The following PRKCE variants were observed in gnomAD, a reference collection of about 807,000 sequenced individuals.
PRKCE encodes protein kinase C epsilon.
Under a neutral mutation model 85.4 loss-of-function variants are expected in PRKCE, and 16 were observed. That is an observed-to-expected ratio of 0.19 (90% CI 0.13 to 0.28). The LOEUF is 0.28. Ranked by LOEUF, PRKCE falls within the 10% of genes least tolerant of loss-of-function variation. The pLI is 1.00. For missense variants in PRKCE, 573 were observed against 975.2 expected, an observed-to-expected ratio of 0.59 and a Z score of 5.49; for synonymous variants, 388 against 371.5, an observed-to-expected ratio of 1.04 and a Z score of -0.51.
intron 10 of PRKCE, among the ~76,000 whole-genome samples, chr2:46,026,679 T>C (rs1401976078): frequency 2.0e-5 from 3 of 152,192 alleles, no homozygotes; most frequent in African/African-American, 7.2e-5. Flanking sequence ...AGGGATGTTT[T>C]TGAAGGGGAT....
chr2:46,112,500 TTTG>T (rs144426936), intron 11 of PRKCE, among the ~76,000 whole-genome samples: 15,107 of 64,034 alleles, frequency 0.24, 835 homozygotes, highest in Middle Eastern at 0.4. Flanking sequence ...TGGTTTTTTT[TTTG>T]TTTGTTTGTT....
chr2:45,884,551 T>C (rs1355177054), intron 2 of PRKCE, among the ~76,000 whole-genome samples: 1 of 152,134 alleles, frequency 6.6e-6, no homozygotes, highest in African/African-American at 2.4e-5. Context: ...TCTCGACACC[T>C]ACGACAATGT....
intron 1 of PRKCE, among the ~76,000 whole-genome samples, chr2:45,790,924 G>A (rs746765466): frequency 4.6e-5 from 7 of 152,192 alleles, no homozygotes; most frequent in Non-Finnish European, 8.8e-5. Context: ...GACACCTGAG[G>A]CCCGTACCTG....
chr2:46,015,694 A>C, intron 10 of PRKCE, among the ~76,000 whole-genome samples: 1 of 147,674 alleles, frequency 6.8e-6, no homozygotes, highest in Admixed American at 6.7e-5. Flanking sequence ...ACTAAACCAA[A>C]AAAAAAAAAA....
chr2:45,720,419 T>G (rs546197778), intron 1 of PRKCE, among the ~76,000 whole-genome samples: 1 of 152,266 alleles, frequency 6.6e-6, no homozygotes, highest in East Asian at 1.9e-4. Context: ...GGGAGTTTTC[T>G]GTGAGCGAGT....
At chr2:46,157,862 T>C (rs1158956961) in intron 13 of PRKCE, among the ~76,000 whole-genome samples, 1 of 152,252 alleles carries the variant, frequency 6.6e-6, no homozygotes, top group Non-Finnish European at 1.5e-5. Context: ...GGCCAGGATT[T>C]CCATGACTCT....
chr2:45,907,868 GAACAGTGCCTGGTATCTATGTTA>G lies in PRKCE; in HGVS notation c.412+64810_412+64832del, dbSNP rs1327034991. Among the ~76,000 whole-genome samples, 4 of 152,202 alleles carry G rather than the reference GAACAGTGCCTGGTATCTATGTTA, an allele frequency of 2.6e-5. No homozygotes were observed. Among genetic ancestry groups the G allele is most frequent in the Non-Finnish European group, 2.9e-5 (2 of 68,038 alleles). On this transcript the variant is annotated intron_variant, in intron 2 of 14. Coordinates refer to ENST00000306156, the MANE Select transcript of PRKCE (RefSeq NM_005400.3). This position sits in a 1 kb window ranked among gnomAD's most constrained non-coding sequence, Gnocchi z 4.5. ...GCTAATAATACTTGCCGAGTGCTGA[GAACAGTGCCTGGTATCTATGTTA>G]AACAAAACGCCTTGTCCAGAATGAT...
At chr2:45,813,952 A>G (rs954775926) in intron 1 of PRKCE, among the ~76,000 whole-genome samples, 4 of 152,182 alleles carry the variant, frequency 2.6e-5, no homozygotes, top group African/African-American at 9.7e-5. Context: ...GTAAATTCAT[A>G]AGTGAGTATC....
At position 45,708,186 on chromosome 2, in the gene PRKCE, G is replaced by T. The variant is rs952152743; in HGVS notation, c.348+55738G>T. Among the ~76,000 whole-genome samples, 8 of 38,106 alleles carry T rather than the reference G, an allele frequency of 2.1e-4. No individual in the cohort carries two copies. In the South Asian group the frequency reaches 5.7e-3, roughly 27 times the overall value. The allele number at this position is 38,106 out of a possible 152,430, so 25.0% of individuals were successfully genotyped here. A position where few individuals can be genotyped will look rare whatever the true frequency, so the allele number is the denominator to read the frequency against. On this transcript the variant is annotated intron_variant, in intron 1 of 14. Transcript: ENST00000306156. ...TTTAATGTCTTCCTGGGCAGAGCAA[G>T]TTGCTAAGCTGGGGCTCCAGTCCAC...
At position 46,060,065 on chromosome 2, in the gene PRKCE, A is replaced by C. The variant is rs116763309; in HGVS notation, c.1438-26143A>C. Among the ~76,000 whole-genome samples, 589 of 152,358 alleles carry C rather than the reference A, an allele frequency of 3.9e-3. 7 individuals carry two copies. The highest frequency in any genetic ancestry group is 0.014 in the African/African-American group (563 of 41,588). On this transcript the variant is annotated intron_variant, in intron 10 of 14. Coordinates refer to ENST00000306156, the MANE Select transcript of PRKCE (RefSeq NM_005400.3). ...ATTAAAACCAAATAAAATTAAAAGA[A>C]CTTTAAAGGACTAAAGAAAAAATAG...
intron 11 of PRKCE, among the ~76,000 whole-genome samples, chr2:46,121,833 A>G (rs1673344244): frequency 6.6e-6 from 1 of 152,228 alleles, no homozygotes; most frequent in Admixed American, 6.5e-5. Context: ...AGATCTGATC[A>G]TGGAGAAAAG....
At chr2:45,819,891 G>T (rs77737005) in intron 1 of PRKCE, among the ~76,000 whole-genome samples, 1 of 152,144 alleles carries the variant, frequency 6.6e-6, no homozygotes, top group Non-Finnish European at 1.5e-5. Flanking sequence ...GGAAACAATC[G>T]CATCAAGCTG....
At chr2:46,089,079 T>C (rs1669915526) in intron 11 of PRKCE, among the ~76,000 whole-genome samples, 1 of 152,220 alleles carries the variant, frequency 6.6e-6, no homozygotes, top group African/African-American at 2.4e-5. Context: ...TTGGCTTCTA[T>C]GAGCCATTCT....
At chr2:45,912,024 T>C (rs1697416680) in intron 2 of PRKCE, among the ~76,000 whole-genome samples, 2 of 152,060 alleles carry the variant, frequency 1.3e-5, no homozygotes, top group Non-Finnish European at 2.9e-5. Flanking sequence ...TTTTTCTAGC[T>C]TGGGAGAATG....
chr2:45,865,082 T>A (rs566215578), intron 2 of PRKCE, among the ~76,000 whole-genome samples: 1 of 152,362 alleles, frequency 6.6e-6, no homozygotes, highest in East Asian at 1.9e-4. Flanking sequence ...CCATATAAGT[T>A]ACCTGGGGAA....
At chr2:46,042,613 C>T (rs550746988) in intron 10 of PRKCE, among the ~76,000 whole-genome samples, 1 of 152,332 alleles carries the variant, frequency 6.6e-6, no homozygotes, top group African/African-American at 2.4e-5. Context: ...CCTCTTGGTC[C>T]TTCTACTTAA....
intron 1 of PRKCE, among the ~76,000 whole-genome samples, chr2:45,835,891 G>C (rs1396603790): frequency 6.6e-6 from 1 of 152,086 alleles, no homozygotes; most frequent in Non-Finnish European, 1.5e-5. Context: ...CACCGTGCCC[G>C]GTCCTCATTC....
chr2:45,668,942 GACTCA>G (rs1380363306), intron 1 of PRKCE, among the ~76,000 whole-genome samples: 1 of 152,156 alleles, frequency 6.6e-6, no homozygotes, highest in Non-Finnish European at 1.5e-5. Context: ...ACTAGAATGG[GACTCA>G]GACCTTATTT....
chr2:46,118,902 A>T (rs1167550822), intron 11 of PRKCE, among the ~76,000 whole-genome samples: 1 of 152,146 alleles, frequency 6.6e-6, no homozygotes, highest in African/African-American at 2.4e-5. Context: ...CATTCGAACA[A>T]CCTGACTGAA....
Sources: gnomAD v4.1 joint callset for allele counts (sites outside exome capture counted in the v4.1 genomes callset) on GRCh38, gnomAD v4.1.1 for gene constraint, Gnocchi (gnomAD v3.1) non-coding constraint, MANE v1.5 for transcripts, NCBI Gene and HGNC (gene_info 2026-07-23, HGNC 2026-07-21) for gene names.